Variants in LRMDA observed in about 807,000 individuals in gnomAD.
LRMDA encodes the protein leucine-rich melanocyte differentiation-associated protein.
Under a neutral mutation model 29.8 loss-of-function variants are expected in LRMDA, and 18 were observed. The ratio of observed to expected loss-of-function variants is 0.60; its 90% CI spans 0.42 to 0.90. The LOEUF is 0.90. LRMDA is among the 40% of genes least tolerant of loss of function. LRMDA has a pLI of 0.00. For synonymous variants in LRMDA, 125 were observed against 109.4 expected, an observed-to-expected ratio of 1.14 and a Z score of -0.89; for missense variants, 273 against 273.9, an observed-to-expected ratio of 1.00 and a Z score of 0.02.
intron 2 of LRMDA, among the ~76,000 whole-genome samples, chr10:75,806,599 T>C (rs1358241871): frequency 2.0e-5 from 3 of 152,116 alleles, no homozygotes; most frequent in African/African-American, 7.2e-5. Flanking sequence ...CTCTGGGTGA[T>C]TGATCGGGAT....
intron 2 of LRMDA, among the ~76,000 whole-genome samples, chr10:75,470,730 C>T (rs962741964): frequency 3.9e-5 from 6 of 152,070 alleles, no homozygotes; most frequent in Non-Finnish European, 8.8e-5. Context: ...TCTGAGCAGC[C>T]CCACTCATTG....
chr10:76,257,578 C>T (rs1463051605), intron 5 of LRMDA, among the ~76,000 whole-genome samples: 1 of 152,096 alleles, frequency 6.6e-6, no homozygotes, highest in Non-Finnish European at 1.5e-5. Flanking sequence ...AGGTGATCCA[C>T]CTACCTCAGC....
At chr10:76,313,931 C>T (rs1218543579) in intron 5 of LRMDA, among the ~76,000 whole-genome samples, 1 of 151,850 alleles carries the variant, frequency 6.6e-6, no homozygotes, top group African/African-American at 2.4e-5. Context: ...ATGAGTATGT[C>T]AGAACTTTAC....
chr10:75,722,876 T>A (rs747260773), intron 2 of LRMDA, among the ~76,000 whole-genome samples: 8 of 152,244 alleles, frequency 5.3e-5, no homozygotes, highest in Non-Finnish European at 1.2e-4. Context: ...TTTCTACTCA[T>A]ATTTCTTTTC....
chr10:76,048,567 T>C (rs960846935), intron 4 of LRMDA, among the ~76,000 whole-genome samples: 2 of 152,142 alleles, frequency 1.3e-5, no homozygotes, highest in Non-Finnish European at 2.9e-5. Flanking sequence ...GCTTTCCCAG[T>C]GGGGCTTTTA....
At chr10:75,457,222 G>A (rs1479239777) in intron 2 of LRMDA, among the ~76,000 whole-genome samples, 1 of 152,208 alleles carries the variant, frequency 6.6e-6, no homozygotes, top group African/African-American at 2.4e-5. Context: ...CTACAAAGTC[G>A]ACTGTTAGCT....
chr10:75,734,595 A>C (rs61860539), intron 2 of LRMDA, among the ~76,000 whole-genome samples: 6,402 of 152,342 alleles, frequency 0.042, 193 homozygotes, highest in Non-Finnish European at 0.064. Flanking sequence ...CCATGGATTC[A>C]TGCATGTGTT....
At chr10:76,381,931 C>T (rs1841597956) in intron 6 of LRMDA, among the ~76,000 whole-genome samples, 1 of 152,120 alleles carries the variant, frequency 6.6e-6, no homozygotes, top group Non-Finnish European at 1.5e-5. Context: ...AAAAGACCAT[C>T]AATTGGTTTT....
chr10:75,443,160 T>C (rs1240620202), intron 2 of LRMDA, among the ~76,000 whole-genome samples: 3 of 152,168 alleles, frequency 2.0e-5, no homozygotes, highest in African/African-American at 2.4e-5. Context: ...ACAGAGACAA[T>C]TTTACTTCCT....
At chr10:75,455,804 A>AACTGAG (rs886236692) in intron 2 of LRMDA, among the ~76,000 whole-genome samples, 6 of 152,216 alleles carry the variant, frequency 3.9e-5, no homozygotes, top group African/African-American at 1.4e-4. Flanking sequence ...TTCATGAAGA[A>AACTGAG]ACTGAGACCT....
Position 75,812,108 on chromosome 10 carries a change from A to ATTTTTTTTTTTTTTTT in LRMDA, c.132-223885_132-223870dup, listed in dbSNP as rs67846089. Among the ~76,000 whole-genome samples the ATTTTTTTTTTTTTTTT allele has an allele frequency of 3.0e-4, 14 of 46,284 alleles. 1 individual carries two copies. The highest frequency in any genetic ancestry group is 1.7e-3 in the African/African-American group (14 of 8,378). 30.4% of individuals were successfully genotyped at this position (46,284 alleles called of 152,430 possible). A position where few individuals can be genotyped will look rare whatever the true frequency, so the allele number is the denominator to read the frequency against. ...TAGTTTCTAAGGGGCTTTAATTGTGATTTTTTTTTTTTTTTTTTTTTTTTT... is the reference window on the plus strand; with the variant it reads ...TAGTTTCTAAGGGGCTTTAATTGTGATTTTTTTTTTTTTTTTTTTTTTTTTTTTTTTTTTTTTTTTT... On this transcript the variant is annotated intron_variant, in intron 2 of 6. Coordinates refer to ENST00000611255, the MANE Select transcript of LRMDA (RefSeq NM_001305581.2).
At chr10:75,712,447 G>A (rs1451756758) in intron 2 of LRMDA, among the ~76,000 whole-genome samples, 1 of 150,812 alleles carries the variant, frequency 6.6e-6, no homozygotes, top group African/African-American at 2.4e-5. Flanking sequence ...GGGGGCGGTT[G>A]GGGGGGTGGT....
intron 5 of LRMDA, among the ~76,000 whole-genome samples, chr10:76,290,223 G>A (rs1047410318): frequency 6.6e-6 from 1 of 152,006 alleles, no homozygotes; most frequent in Non-Finnish European, 1.5e-5. Context: ...GAGTCAGCTG[G>A]TTTAAAGAGT....
intron 6 of LRMDA, among the ~76,000 whole-genome samples, chr10:76,473,618 TA>T (rs56100866): frequency 0.77 from 112,610 of 147,120 alleles, 43,496 homozygotes; most frequent in Non-Finnish European, 0.85. Flanking sequence ...AGGATTCTGC[TA>T]AAAAAAAAAA....
At chr10:76,133,069 C>T (rs1010339394) in intron 5 of LRMDA, among the ~76,000 whole-genome samples, 4 of 150,702 alleles carry the variant, frequency 2.7e-5, no homozygotes, top group Non-Finnish European at 4.4e-5. Context: ...GATCCGCCCG[C>T]CTCAGCCTCC....
chr10:75,565,393 T>C (rs541195697), intron 2 of LRMDA, among the ~76,000 whole-genome samples: 47 of 152,380 alleles, frequency 3.1e-4, no homozygotes, highest in African/African-American at 1.1e-3. Context: ...GGTGCCTACC[T>C]GAAATTGTTG....
intron 2 of LRMDA, among the ~76,000 whole-genome samples, chr10:75,750,249 C>A (rs935192822): frequency 8.8e-5 from 13 of 147,992 alleles, no homozygotes; most frequent in African/African-American, 3.0e-4. Context: ...GGCTGCCGGG[C>A]GGGGGCTGCC....
chr10:75,602,526 T>C (rs1010363852), intron 2 of LRMDA, among the ~76,000 whole-genome samples: 1 of 152,214 alleles, frequency 6.6e-6, no homozygotes, highest in African/African-American at 2.4e-5. Flanking sequence ...GTCTCCTTTA[T>C]AACATTCAAA....
At chr10:76,134,387 G>A (rs1479173489) in intron 5 of LRMDA, among the ~76,000 whole-genome samples, 1 of 152,244 alleles carries the variant, frequency 6.6e-6, no homozygotes, top group African/African-American at 2.4e-5. Context: ...TGGTGGTGAT[G>A]CTGACTCCTT....
Sources: gnomAD v4.1 joint callset for allele counts (sites outside exome capture counted in the v4.1 genomes callset) on GRCh38, gnomAD v4.1.1 for gene constraint, MANE v1.5 for transcripts, NCBI Gene and HGNC (gene_info 2026-07-23, HGNC 2026-07-21) for gene names.